Variants in ARFGEF3 observed in about 807,000 individuals in gnomAD.
ARFGEF3 encodes brefeldin A-inhibited guanine nucleotide-exchange protein 3.
ARFGEF3 carries 96 observed loss-of-function variants against 221.7 expected under a neutral mutation model. The observed-to-expected ratio is 0.43, with a 90% CI of 0.37 to 0.51. The LOEUF is 0.51. Ranked by LOEUF, ARFGEF3 falls within the 20% of genes least tolerant of loss-of-function variation. ARFGEF3 has a pLI of 0.00. For missense variants in ARFGEF3, 2,410 were observed against 2,789.9 expected (o/e 0.86, Z 3.07); for synonymous variants, 1,145 against 1,126.8 (o/e 1.02, Z -0.32).
chr6:138,327,812 T>C (rs1300393245), intron 31 of ARFGEF3, among the ~76,000 whole-genome samples: 1 of 152,238 alleles, frequency 6.6e-6, no homozygotes, highest in Non-Finnish European at 1.5e-5. Flanking sequence ...TGTCAACGGC[T>C]AACCCTGATT....
At chr6:138,326,304 C>T (rs907211312) in intron 31 of ARFGEF3, among the ~76,000 whole-genome samples, 4 of 151,388 alleles carry the variant, frequency 2.6e-5, no homozygotes, top group Non-Finnish European at 4.4e-5. Flanking sequence ...CTAGTCTTGC[C>T]GGGCATGGTG....
intron 31 of ARFGEF3, among the ~76,000 whole-genome samples, chr6:138,326,794 T>C (rs1180457129): frequency 6.6e-6 from 1 of 152,184 alleles, no homozygotes; most frequent in Non-Finnish European, 1.5e-5. Flanking sequence ...CATTCTCTTA[T>C]AAAGATACAT....
chr6:138,302,210 G>A (rs1469003661), intron 22 of ARFGEF3, among the ~76,000 whole-genome samples: 1 of 152,030 alleles, frequency 6.6e-6, no homozygotes, highest in African/African-American at 2.4e-5. Flanking sequence ...AAAATTAAGG[G>A]AAAATATGAC....
chr6:138,225,476 AAATT>A (rs1778066137), intron 4 of ARFGEF3, among the ~76,000 whole-genome samples: 2 of 152,346 alleles, frequency 1.3e-5, no homozygotes, highest in African/African-American at 4.8e-5. Context: ...CTAGCCTTCT[AAATT>A]ATTATATACC....
chr6:138,209,730 G>A (rs188624941), intron 3 of ARFGEF3, among the ~76,000 whole-genome samples, 180 bp from the exon 4 acceptor site: 1 of 152,302 alleles, frequency 6.6e-6, no homozygotes, highest in East Asian at 1.9e-4. Flanking sequence ...TTACAGGCAT[G>A]AGCCACTGCC....
intron 4 of ARFGEF3, among the ~76,000 whole-genome samples, chr6:138,221,166 A>G (rs1777976269): frequency 6.6e-6 from 1 of 152,132 alleles, no homozygotes. Flanking sequence ...ATGGCAGGTT[A>G]TCTACATGGT....
At chr6:138,284,887 A>G (rs1035255977) in intron 14 of ARFGEF3, among the ~76,000 whole-genome samples, 2 of 152,232 alleles carry the variant, frequency 1.3e-5, no homozygotes, top group Admixed American at 6.5e-5. Context: ...TATTGCTCCA[A>G]GGCTACATAC....
At chr6:138,328,233 C>T in intron 32 of ARFGEF3, 91 bp downstream of exon 32, 1 of 1,382,400 alleles carries the variant, frequency 7.2e-7, no homozygotes, top group South Asian at 1.5e-5. Flanking sequence ...GAGCTTTGGC[C>T]AGAAATACTG....
At chr6:138,215,582 A>C (rs1777826133) in intron 4 of ARFGEF3, among the ~76,000 whole-genome samples, 1 of 152,202 alleles carries the variant, frequency 6.6e-6, no homozygotes, top group Admixed American at 6.5e-5. Context: ...CTGTGCTCTT[A>C]AGTGGTGGGT....
intron 22 of ARFGEF3, among the ~76,000 whole-genome samples, chr6:138,305,367 A>C (rs538375057): frequency 1.3e-5 from 2 of 152,154 alleles, no homozygotes; most frequent in South Asian, 4.1e-4. Flanking sequence ...TTGGGAGGCC[A>C]CAGCAGAAGG....
intron 22 of ARFGEF3, among the ~76,000 whole-genome samples, chr6:138,302,088 C>G: frequency 6.6e-6 from 1 of 151,988 alleles, no homozygotes; most frequent in East Asian, 1.9e-4. Flanking sequence ...TGCAAAGAAA[C>G]AGGAAACAGT....
chr6:138,314,458 C>T lies in ARFGEF3; in HGVS notation c.4345+519C>T, dbSNP rs557770396. On this transcript the variant is annotated intron_variant, in intron 26 of 33. Transcript: ENST00000251691. ...TGGCCCCCAAAATTGAGGTTCTTCT[C>T]ACATGCGGAATACATTAATGCCATC... is the stretch of plus-strand genomic sequence containing the variant. 6.6e-5 allele frequency among the ~76,000 whole-genome samples: 10 copies of T among 152,302 alleles called. No homozygotes were observed. The East Asian group carries it at 1.9e-3, about 29-fold the overall frequency.
Position 138,226,547 on chromosome 6 carries a change from C to T in ARFGEF3, c.352-3237C>T, listed in dbSNP as rs139772618. On this transcript the variant is annotated intron_variant, in intron 4 of 33. Transcript: ENST00000251691. ...CTGCAAGCTGGTGTAGATTGCAGGACGCTGCCCATCACTCAAGTTCCTGCT... is the reference window on the plus strand; with the variant it reads ...CTGCAAGCTGGTGTAGATTGCAGGATGCTGCCCATCACTCAAGTTCCTGCT... 3.1e-4 allele frequency among the ~76,000 whole-genome samples: 46 copies of T among 150,672 alleles called. No homozygotes were observed. The East Asian group carries it at 5.9e-3, about 19-fold the overall frequency.
chr6:138,320,451 G>C (rs79036767), intron 28 of ARFGEF3, among the ~76,000 whole-genome samples: 1 of 152,338 alleles, frequency 6.6e-6, no homozygotes, highest in South Asian at 2.1e-4. Context: ...TAGAGGCAGG[G>C]GATGTGTTCA....
At chr6:138,200,601 C>G (rs1297824581) in intron 2 of ARFGEF3, among the ~76,000 whole-genome samples, 3 of 152,150 alleles carry the variant, frequency 2.0e-5, no homozygotes, top group Non-Finnish European at 2.9e-5. Context: ...ACAAATGGTG[C>G]TGGGATAATT....
intron 19 of ARFGEF3, among the ~76,000 whole-genome samples, chr6:138,292,551 T>C (rs1779431997): frequency 6.6e-6 from 1 of 152,204 alleles, no homozygotes; most frequent in Non-Finnish European, 1.5e-5. Context: ...ACCAATCGCC[T>C]CAACTGTTTG....
intron 26 of ARFGEF3, 52 bp downstream of exon 26, chr6:138,313,991 A>AGAAGCTT (rs1174955301): frequency 5.1e-6 from 8 of 1,576,410 alleles, no homozygotes; most frequent in Non-Finnish European, 6.9e-6. Context: ...TCATATTCCC[A>AGAAGCTT]GAAGCTTAAG....
intron 2 of ARFGEF3, among the ~76,000 whole-genome samples, chr6:138,196,750 A>G (rs768450276): frequency 2.6e-5 from 4 of 152,302 alleles, no homozygotes; most frequent in Non-Finnish European, 5.9e-5. Flanking sequence ...CTTTGAAGTA[A>G]CACTTTGCTT....
intron 2 of ARFGEF3, among the ~76,000 whole-genome samples, chr6:138,186,568 A>C (rs1459684326): frequency 1.3e-5 from 2 of 152,202 alleles, no homozygotes; most frequent in Non-Finnish European, 2.9e-5. Flanking sequence ...AGTGGAAAAC[A>C]GGATTGTTGG....
Sources: allele counts gnomAD v4.1 joint callset (sites outside exome capture counted in the v4.1 genomes callset), GRCh38; gene constraint gnomAD v4.1.1; transcripts MANE v1.5; gene names NCBI Gene and HGNC (gene_info 2026-07-23, HGNC 2026-07-21).